The following RFPL2 variants were observed in gnomAD, a reference collection of about 807,000 sequenced individuals.
The protein encoded by RFPL2 is ret finger protein-like 2.
In RFPL2, 13 loss-of-function variants were observed where a neutral mutation model predicts 17.8. The ratio of observed to expected loss-of-function variants is 0.73; its 90% CI spans 0.47 to 1.16. RFPL2 has a LOEUF of 1.16. Among genes scored for constraint, RFPL2 ranks in the 50% most tolerant of loss-of-function variants. The pLI is 0.00. For missense variants in RFPL2, 431 were observed against 479.3 expected (o/e 0.90, Z 0.94); for synonymous variants, 189 against 180.9 (o/e 1.04, Z -0.36).
chr22:32,195,749 C>T (rs1923262814), intron 2 of RFPL2, among the ~76,000 whole-genome samples: 3 of 152,074 alleles, frequency 2.0e-5, no homozygotes, highest in Non-Finnish European at 2.9e-5. Context: ...TGAGCCACCG[C>T]GCCCGGCCAA....
intron 2 of RFPL2, among the ~76,000 whole-genome samples, chr22:32,201,039 CTT>C (rs136492): frequency 1.5e-4 from 19 of 130,482 alleles, no homozygotes; most frequent in Non-Finnish European, 1.8e-4. Flanking sequence ...CCCTTATTTC[CTT>C]TTTTTTTTTT....
intron 1 of RFPL2, among the ~76,000 whole-genome samples, chr22:32,203,636 T>G (rs1197478906): frequency 6.7e-6 from 1 of 148,606 alleles, no homozygotes; most frequent in African/African-American, 2.5e-5. Context: ...CGCTCCTGGC[T>G]GTGGGCAGTG....
chr22:32,204,065 C>A (rs1164183862), intron 1 of RFPL2, among the ~76,000 whole-genome samples: 1 of 151,238 alleles, frequency 6.6e-6, no homozygotes, highest in African/African-American at 2.4e-5. Context: ...AATAGCGCAC[C>A]CAATCCACTC....
chr22:32,200,244 C>A (rs917648567), intron 2 of RFPL2: 2 of 280,380 alleles, frequency 7.1e-6, no homozygotes, highest in Admixed American at 4.8e-5. Flanking sequence ...GGCCCCTGAC[C>A]CTCGCCCCAC....
chr22:32,195,594 TA>T (rs1295895093), intron 2 of RFPL2, among the ~76,000 whole-genome samples: 2 of 151,864 alleles, frequency 1.3e-5, no homozygotes, highest in African/African-American at 4.8e-5. Context: ...TAGCTGGGAT[TA>T]CAGGCATGTG....
chr22:32,202,818 C>T, intron 1 of RFPL2: 1 of 1,064,724 alleles, frequency 9.4e-7, no homozygotes, highest in Non-Finnish European at 1.1e-6. Context: ...CCAGCCAGCC[C>T]TCCCCACCCA....
intron 1 of RFPL2, chr22:32,203,078 T>C (rs548784549): frequency 1.0e-6 from 1 of 985,812 alleles, no homozygotes; most frequent in Non-Finnish European, 1.2e-6. Context: ...AGACCACCGC[T>C]GTCACTGACA....
intron 2 of RFPL2, among the ~76,000 whole-genome samples, chr22:32,200,818 T>A (rs1204261298): frequency 1.3e-5 from 2 of 152,122 alleles, no homozygotes; most frequent in Non-Finnish European, 2.9e-5. Flanking sequence ...AAAGCCGGGC[T>A]GTCCAGGACA....
In RFPL2 at chr22:32,190,842, A is replaced by G. The variant is rs760479440; in HGVS notation, c.1067T>C (p.Val356Ala). The G allele has an allele frequency of 2.4e-4, 378 of 1,571,050 alleles. No homozygotes were observed. Among genetic ancestry groups the G allele is most frequent in the Non-Finnish European group, 3.2e-4 (371 of 1,157,956 alleles). Reference sequence around the variant, plus strand: ...GTTCATCAAAGGACAGATGCTCAAGACACCTTGATCACCATTAGGTGGAAC... The same window carrying G: ...GTTCATCAAAGGACAGATGCTCAAGGCACCTTGATCACCATTAGGTGGAAC... ...PSVPPNGDQG[V>A]LSICPLMNSG... Residue 356 changes from valine (V) to alanine (A), a missense_variant, in exon 5 of 5, where the codon GTC (valine) becomes GCC (alanine). Physicochemically the swap from Val to Ala is moderately conservative, Grantham distance 64 (BLOSUM62 0). Coordinates refer to ENST00000652607, the MANE Select transcript of RFPL2 (RefSeq NM_001394555.1).
At chr22:32,195,883 T>C (rs5998292) in intron 2 of RFPL2, among the ~76,000 whole-genome samples, 81,814 of 151,840 alleles carry the variant, frequency 0.54, 24,233 homozygotes, top group African/African-American at 0.78. Flanking sequence ...CCCATCTAGC[T>C]GTAATTTTAT....
rs1892552999 is a variant in RFPL2 at position 32,194,410 on chromosome 22, G to A, written c.200C>T (p.Pro67Leu). The change falls in exon 3 of 5, where the codon CCT becomes CTT. Residue 67 changes from proline to leucine, a missense_variant. Pro to Leu is a moderately conservative substitution (Grantham distance 98). Transcript: ENST00000652607. ...CTGGGCGCTCAGGTCTTGTGGGGAA[G>A]GGGCACACGAGGGCCTTTTATTGGT... ...NLTNKRPSCA[P>L]SPQDLSAQWK... 6.2e-7 allele frequency: 1 copy of A among 1,608,898 alleles called. No homozygotes were observed. The highest frequency in any genetic ancestry group is 1.7e-5 in the Admixed American group (1 of 58,560).
Position 32,190,727 on chromosome 22 carries a change from C to T in RFPL2, c.*45G>A. The T allele has an allele frequency of 1.3e-6, 2 of 1,494,906 alleles. No individual in the cohort carries two copies. Among genetic ancestry groups the T allele is most frequent in the Non-Finnish European group, 1.8e-6 (2 of 1,121,410 alleles). 92.6% of individuals were successfully genotyped at this position (1,494,906 alleles called of 1,614,324 possible). ...TAGAGCGTTCCTAAGTCTACCCACC[C>T]AAGTAATTTTCTTACCCTGTTTTTT... On this transcript the variant is annotated 3_prime_UTR_variant, in exon 5 of 5. Coordinates refer to ENST00000652607, the MANE Select transcript of RFPL2 (RefSeq NM_001394555.1).
chr22:32,201,855 C>T (rs1288585901), intron 2 of RFPL2, among the ~76,000 whole-genome samples: 1 of 152,154 alleles, frequency 6.6e-6, no homozygotes, highest in African/African-American at 2.4e-5. Flanking sequence ...CAGGGAGGGG[C>T]CGAGGGGCAT....
chr22:32,193,263 C>G (rs1310603810), intron 3 of RFPL2, 71 bp from the exon 4 acceptor site: 2 of 1,612,970 alleles, frequency 1.2e-6, no homozygotes, highest in Non-Finnish European at 1.7e-6. Context: ...TGACAAGTGA[C>G]AACCTTTTCA....
Position 32,194,016 on chromosome 22 carries a change from T to C in RFPL2, c.265+329A>G, listed in dbSNP as rs969067189. Among the ~76,000 whole-genome samples the C allele has an allele frequency of 4.0e-5, 6 of 151,128 alleles. No individual in the cohort carries two copies. In the South Asian group the frequency reaches 6.3e-4, roughly 16 times the overall value. Reference sequence around the variant, plus strand: ...AGGAAGACCCTGTCTCTACAAATAATACAAAAATTAGCAGAGAGCAGAGAT... The same window carrying C: ...AGGAAGACCCTGTCTCTACAAATAACACAAAAATTAGCAGAGAGCAGAGAT... On this transcript the variant is annotated intron_variant, in intron 3 of 4. Coordinates refer to ENST00000652607, the MANE Select transcript of RFPL2 (RefSeq NM_001394555.1).
At chr22:32,204,448 G>A (rs896396145) in intron 1 of RFPL2, among the ~76,000 whole-genome samples, 3 of 151,992 alleles carry the variant, frequency 2.0e-5, no homozygotes, top group African/African-American at 7.3e-5. Context: ...TCCCACCACC[G>A]GGTTGTAGCC....
At chr22:32,200,831 G>A (rs955504238) in intron 2 of RFPL2, among the ~76,000 whole-genome samples, 4 of 152,018 alleles carry the variant, frequency 2.6e-5, no homozygotes, top group Non-Finnish European at 4.4e-5. Context: ...CCAGGACACT[G>A]CAGCACCATC....
chr22:32,193,449 C>A, intron 3 of RFPL2: 20 of 1,457,508 alleles, frequency 1.4e-5, no homozygotes, highest in Non-Finnish European at 1.8e-5. Flanking sequence ...TCCTGGTGAC[C>A]CAGCAGCTGA....
rs560864722 is a variant in RFPL2, at chr22:32,204,259, C to T, written c.-100+448G>A. On this transcript the variant is annotated intron_variant, in intron 1 of 4. Coordinates refer to ENST00000652607, the MANE Select transcript of RFPL2 (RefSeq NM_001394555.1). ...TCGGATATCACAGCCAACAAGTTCC[C>T]TGCCATGCGCACTGATGTCCCAGAT... is the stretch of plus-strand genomic sequence containing the variant. Among the ~76,000 whole-genome samples the T allele has an allele frequency of 2.3e-4, 35 of 152,030 alleles. No homozygotes were observed. The South Asian group carries it at 7.1e-3, about 31-fold the overall frequency.
Sources: gnomAD v4.1 joint callset for allele counts (sites outside exome capture counted in the v4.1 genomes callset) on GRCh38, gnomAD v4.1.1 for gene constraint, MANE v1.5 for transcripts, NCBI Gene and HGNC (gene_info 2026-07-23, HGNC 2026-07-21) for gene names.